The following NETO2 variants were observed in gnomAD, a reference collection of about 807,000 sequenced individuals.
NETO2 encodes neuropilin and tolloid-like protein 2.
Under a neutral mutation model 62.5 loss-of-function variants are expected in NETO2, and 28 were observed. The observed-to-expected ratio is 0.45, with a 90% CI of 0.33 to 0.61. The LOEUF is 0.61. Among genes scored for constraint, NETO2 ranks in the 20% least tolerant of loss-of-function variants. The pLI, the probability that NETO2 is intolerant of heterozygous loss-of-function variation, is 0.02. For synonymous variants in NETO2, 214 were observed against 219.1 expected (o/e 0.98, Z 0.21); for missense variants, 548 against 643.2 (o/e 0.85, Z 1.60).
intron 7 of NETO2, among the ~76,000 whole-genome samples, chr16:47,095,934 T>C (rs193011495): frequency 1.3e-5 from 2 of 152,240 alleles, no homozygotes; most frequent in Middle Eastern, 3.4e-3. Flanking sequence ...TTAATATATT[T>C]TAAATGACTG....
intron 6 of NETO2, among the ~76,000 whole-genome samples, chr16:47,116,671 G>A (rs1963928848): frequency 6.6e-6 from 1 of 152,074 alleles, no homozygotes; most frequent in South Asian, 2.1e-4. Context: ...TCATTTCCTG[G>A]ATGATACTAA....
At chr16:47,119,430 C>A (rs1020483104) in intron 6 of NETO2, among the ~76,000 whole-genome samples, 2 of 152,026 alleles carry the variant, frequency 1.3e-5, no homozygotes, top group Non-Finnish European at 2.9e-5. Flanking sequence ...GGATTACAGG[C>A]GTGAACCACT....
chr16:47,081,572 C>T lies in NETO2; in HGVS notation c.*1649G>A, dbSNP rs1006369801. 2 of 152,490 alleles carry T rather than the reference C, an allele frequency of 1.3e-5. No individual in the cohort carries two copies. Among genetic ancestry groups the T allele is most frequent in the Admixed American group, 6.6e-5 (1 of 15,256 alleles). The allele number at this position is 152,490 out of a possible 1,614,324, so 9.4% of individuals were successfully genotyped here. On this transcript the variant is annotated 3_prime_UTR_variant, in exon 9 of 9. Coordinates refer to ENST00000562435, the MANE Select transcript of NETO2 (RefSeq NM_018092.5). ...GTATTAAATTTAAGGTCACAATTTT[C>T]ACTAATCTGAGAAAACACATATATG...
intron 7 of NETO2, among the ~76,000 whole-genome samples, chr16:47,097,029 A>T (rs1963440926): frequency 6.6e-6 from 1 of 152,210 alleles, no homozygotes; most frequent in Non-Finnish European, 1.5e-5. Context: ...CACAACCCGC[A>T]GACCAGGAGA....
At position 47,143,888 on chromosome 16, in the gene NETO2, G is replaced by A. The variant is rs1034942073; in HGVS notation, c.-276C>T. Reference sequence around the variant, plus strand: ...CCCGAGGGCCGAGGAGTGCGGACGCGCGGCGCGGGACCGGCAGGCAGCTCC... The same window carrying A: ...CCCGAGGGCCGAGGAGTGCGGACGCACGGCGCGGGACCGGCAGGCAGCTCC... On this transcript the variant is annotated 5_prime_UTR_variant, in exon 1 of 9. Transcript: ENST00000562435. The A allele has an allele frequency of 9.8e-5, 23 of 234,044 alleles. No individual in the cohort carries two copies. The highest frequency in any genetic ancestry group is 4.6e-4 in the African/African-American group (20 of 43,400). 14.5% of individuals were successfully genotyped at this position (234,044 alleles called of 1,614,324 possible).
chr16:47,087,317 C>T (rs1050142879), intron 7 of NETO2, among the ~76,000 whole-genome samples: 1 of 152,142 alleles, frequency 6.6e-6, no homozygotes, highest in South Asian at 2.1e-4. Context: ...AGCCACCGTG[C>T]CCAGCCCTAT....
At chr16:47,134,640 A>G (rs1464315112) in intron 1 of NETO2, among the ~76,000 whole-genome samples, 2 of 152,294 alleles carry the variant, frequency 1.3e-5, no homozygotes, top group African/African-American at 2.4e-5. Flanking sequence ...AGGTGTAACT[A>G]TTTACCAGTT....
intron 4 of NETO2, among the ~76,000 whole-genome samples, chr16:47,125,784 G>A (rs529611800): frequency 4.6e-5 from 7 of 151,974 alleles, no homozygotes; most frequent in Non-Finnish European, 7.4e-5. Context: ...TTGAACTTCT[G>A]GGCTCATGCA....
chr16:47,084,152 G>T (rs1310740764), intron 8 of NETO2, among the ~76,000 whole-genome samples: 1 of 152,142 alleles, frequency 6.6e-6, no homozygotes, highest in Non-Finnish European at 1.5e-5. Flanking sequence ...TGGTAGGTTT[G>T]ACCAACTGCT....
In NETO2 at chr16:47,110,130, A is replaced by C. The variant is rs138556219; in HGVS notation, c.655-419T>G. On this transcript the variant is annotated intron_variant, in intron 6 of 8. Transcript: ENST00000562435. ...CTGCACATTAAAAAAACCTGTGTTTAATTGTAAGATATACACATCCTACTT... is the reference window on the plus strand; with the variant it reads ...CTGCACATTAAAAAAACCTGTGTTTCATTGTAAGATATACACATCCTACTT... Among the ~76,000 whole-genome samples, 58 of 152,336 alleles carry C rather than the reference A, an allele frequency of 3.8e-4. 1 individual carries two copies. In the East Asian group the frequency reaches 0.011, roughly 28 times the overall value.
chr16:47,085,743 T>C (rs1453717738), intron 8 of NETO2, among the ~76,000 whole-genome samples: 1 of 152,146 alleles, frequency 6.6e-6, no homozygotes, highest in Non-Finnish European at 1.5e-5. Context: ...GTTTAGAGTA[T>C]GCTTTTCACC....
intron 6 of NETO2, among the ~76,000 whole-genome samples, chr16:47,110,987 CAA>C (rs1269862942): frequency 6.6e-6 from 1 of 152,194 alleles, no homozygotes; most frequent in Non-Finnish European, 1.5e-5. Flanking sequence ...CAAAACTTTA[CAA>C]AGTCTTCATG....
chr16:47,089,009 G>A (rs754040945), intron 7 of NETO2, among the ~76,000 whole-genome samples: 4 of 152,186 alleles, frequency 2.6e-5, no homozygotes, highest in Admixed American at 6.5e-5. Context: ...CTAAACGGTA[G>A]TATTCACCCA....
rs78651873 is a variant in NETO2 at position 47,126,388 on chromosome 16, C to A, written c.481+1937G>T. On this transcript the variant is annotated intron_variant, in intron 4 of 8. Coordinates refer to ENST00000562435, the MANE Select transcript of NETO2 (RefSeq NM_018092.5). The stretch of plus-strand genomic sequence containing the variant: ...ATTGCTAACTGGAAAAGGCTCCATA[C>A]TGTATAATTCCAGTTACATGACATT... Among the ~76,000 whole-genome samples the A allele has an allele frequency of 2.9e-3, 445 of 152,270 alleles. 2 individuals carry two copies. Among genetic ancestry groups the A allele is most frequent in the Non-Finnish European group, 5.3e-3 (362 of 68,022 alleles).
At chr16:47,083,987 A>C (rs1427316747) in intron 8 of NETO2, among the ~76,000 whole-genome samples, 186 bp from the exon 9 acceptor site, 1 of 152,248 alleles carries the variant, frequency 6.6e-6, no homozygotes, top group Non-Finnish European at 1.5e-5. Context: ...TAAAGTTACC[A>C]ATCGCAGTAC....
intron 4 of NETO2, among the ~76,000 whole-genome samples, chr16:47,126,619 T>C (rs1964162491): frequency 6.6e-6 from 1 of 152,148 alleles, no homozygotes; most frequent in Non-Finnish European, 1.5e-5. Context: ...TAATGTCAAC[T>C]ACAGGCTTTG....
chr16:47,092,840 T>C (rs1359461301), intron 7 of NETO2, among the ~76,000 whole-genome samples: 1 of 152,178 alleles, frequency 6.6e-6, no homozygotes, highest in African/African-American at 2.4e-5. Context: ...GAGCTCACCA[T>C]GTCCAAAACA....
intron 7 of NETO2, among the ~76,000 whole-genome samples, chr16:47,097,613 G>C (rs1398829003): frequency 6.6e-6 from 1 of 152,194 alleles, no homozygotes; most frequent in East Asian, 1.9e-4. Flanking sequence ...AGACTTAAAC[G>C]TTCCTGCCTG....
In NETO2 at chr16:47,080,692, G is replaced by A. The variant is rs1022250666; in HGVS notation, c.*2529C>T. On this transcript the variant is annotated 3_prime_UTR_variant, in exon 9 of 9. Coordinates refer to ENST00000562435, the MANE Select transcript of NETO2 (RefSeq NM_018092.5). ...AGGCTGGCTTAGCTATTGATCATCT[G>A]GTTCTTTAGTTCTATCCCTGAAAAT... 2 of 152,112 alleles carry A rather than the reference G, an allele frequency of 1.3e-5. No individual in the cohort carries two copies. Among genetic ancestry groups the A allele is most frequent in the Non-Finnish European group, 2.9e-5 (2 of 68,010 alleles). The allele number at this position is 152,112 out of a possible 1,614,324, so 9.4% of individuals were successfully genotyped here.
Sources: gnomAD v4.1 joint callset for allele counts (sites outside exome capture counted in the v4.1 genomes callset) on GRCh38, gnomAD v4.1.1 for gene constraint, MANE v1.5 for transcripts, NCBI Gene and HGNC (gene_info 2026-07-23, HGNC 2026-07-21) for gene names.